TSNARE1: variants seen among roughly 807,000 people sequenced by gnomAD.
TSNARE1 encodes the protein t-SNARE domain containing 1, also known as t-SNARE domain-containing protein 1.
TSNARE1 carries 49 observed loss-of-function variants against 62.0 expected under a neutral mutation model. The ratio of observed to expected loss-of-function variants is 0.79; its 90% CI spans 0.63 to 1.00. The LOEUF (loss-of-function observed/expected upper bound fraction) is 1.00. Among genes scored for constraint, TSNARE1 ranks in the 50% least tolerant of loss-of-function variants. The pLI is 0.00. For missense variants in TSNARE1, 755 were observed against 700.1 expected, an observed-to-expected ratio of 1.08 and a Z score of -0.88; for synonymous variants, 328 against 294.4, an observed-to-expected ratio of 1.11 and a Z score of -1.17.
At chr8:142,331,856 A>G (rs1236123394) in intron 4 of TSNARE1, 25 bp from the exon 5 acceptor site, 1 of 1,594,600 alleles carries the variant, frequency 6.3e-7, no homozygotes, top group Non-Finnish European at 8.5e-7. Context: ...GGAGGAGGAA[A>G]GAACACAGGC....
chr8:142,263,461 A>C (rs1818988335), intron 12 of TSNARE1, among the ~76,000 whole-genome samples: 1 of 152,204 alleles, frequency 6.6e-6, no homozygotes, highest in African/African-American at 2.4e-5. Context: ...ACCACGGTTT[A>C]GTTCAAGGGG....
chr8:142,371,241 AG>A (rs1232258728), intron 1 of TSNARE1, among the ~76,000 whole-genome samples: 2 of 152,242 alleles, frequency 1.3e-5, no homozygotes, highest in Admixed American at 1.3e-4. Context: ...CCAGGCCTAG[AG>A]GCTTCAGAGC....
chr8:142,354,644 C>T lies in TSNARE1; in HGVS notation c.81G>A (p.Gln27=), dbSNP rs766992055. ...PFGGPSRQGC[Q]PLECARCWTE... ...TCCAGCTACTATCATTACCTAGGGG[C>T]TGACAGCCTTGTCTCGAAGGTCCCC... is the stretch of plus-strand genomic sequence containing the variant. The change falls in exon 2 of 14, where the codon CAG becomes CAA. Residue 27 remains glutamine (Q), a synonymous_variant. Coordinates refer to ENST00000524325, the MANE Select transcript of TSNARE1 (RefSeq NM_145003.5). 6.2e-7 allele frequency: 1 copy of T among 1,612,416 alleles called. No individual in the cohort carries two copies. Among genetic ancestry groups the T allele is most frequent in the African/African-American group, 1.3e-5 (1 of 74,760 alleles).
At chr8:142,296,839 A>G (rs1393735748) in intron 10 of TSNARE1, among the ~76,000 whole-genome samples, 1 of 152,056 alleles carries the variant, frequency 6.6e-6, no homozygotes. Context: ...ACCCTCCCTC[A>G]GAATCCGACT....
chr8:142,243,804 T>G lies in TSNARE1; in HGVS notation c.1447-14225A>C, dbSNP rs549651000. On this transcript the variant is annotated intron_variant, in intron 12 of 13. Coordinates refer to ENST00000524325, the MANE Select transcript of TSNARE1 (RefSeq NM_145003.5). Reference sequence around the variant, plus strand: ...GGAGGGATGGGTATGTGAATTCGCTTGATTTAATTTTTCCACAATAATACA... The same window carrying G: ...GGAGGGATGGGTATGTGAATTCGCTGGATTTAATTTTTCCACAATAATACA... 2.6e-5 allele frequency among the ~76,000 whole-genome samples: 4 copies of G among 152,352 alleles called. No homozygotes were observed. The East Asian group carries it at 7.7e-4, about 29-fold the overall frequency.
chr8:142,213,330 C>T (rs964840945), intron 13 of TSNARE1, among the ~76,000 whole-genome samples: 1 of 146,696 alleles, frequency 6.8e-6, no homozygotes, highest in African/African-American at 2.6e-5. Flanking sequence ...AGCCCCTCTC[C>T]TGGGGAGCAG....
At chr8:142,316,037 G>A (rs187630060) in intron 7 of TSNARE1, among the ~76,000 whole-genome samples, 133 of 152,342 alleles carry the variant, frequency 8.7e-4, no homozygotes, top group African/African-American at 3.0e-3. Context: ...CCACAGAAAC[G>A]CCTCTCAGAA....
In TSNARE1 at chr8:142,222,239, C is replaced by CACTT. The variant is rs1816332340; in HGVS notation, c.*11+7233_*11+7234insAAGT. 8.1e-5 allele frequency among the ~76,000 whole-genome samples: 2 copies of CACTT among 24,838 alleles called. 1 individual carries two copies. The highest frequency in any genetic ancestry group is 7.5e-4 in the Admixed American group (2 of 2,664). 16.3% of individuals were successfully genotyped at this position (24,838 alleles called of 152,430 possible). On this transcript the variant is annotated intron_variant, in intron 13 of 13. Transcript: ENST00000524325. ...TCATTCACTCACTCATCCACTCATT[C>CACTT]ACTCACTCACTCATCCACTCATCCA...
intron 9 of TSNARE1, among the ~76,000 whole-genome samples, chr8:142,311,290 G>GTTTTTTTTTTTTTGTTTTTTTTTT (rs1827550778): frequency 8.7e-5 from 5 of 57,350 alleles, no homozygotes; most frequent in Admixed American, 2.4e-4. Flanking sequence ...AGCCTCTCTA[G>GTTTTTTTTTTTTTGTTTTTTTTTT]TTTTTTTTTT....
chr8:142,277,779 TG>T, intron 11 of TSNARE1: 2 of 985,384 alleles, frequency 2.0e-6, no homozygotes, highest in Non-Finnish European at 1.2e-6. Context: ...AAGTCGAGGC[TG>T]GGTCTCAGTC....
chr8:142,354,648 C>G lies in TSNARE1; in HGVS notation c.77G>C (p.Cys26Ser). The change falls in exon 2 of 14, where the codon TGT becomes TCT. Residue 26 changes from cysteine (C) to serine (S), a missense_variant. Cys to Ser is a moderately radical substitution (Grantham distance 112). Transcript: ENST00000524325. ...GPFGGPSRQGCQPLECARCWT... is the reference protein window; with the variant it reads ...GPFGGPSRQGSQPLECARCWT... Reference sequence around the variant, plus strand: ...GCTACTATCATTACCTAGGGGCTGACAGCCTTGTCTCGAAGGTCCCCCGAA... The same window carrying G: ...GCTACTATCATTACCTAGGGGCTGAGAGCCTTGTCTCGAAGGTCCCCCGAA... The G allele has an allele frequency of 6.2e-7, 1 of 1,612,782 alleles. No homozygotes were observed. Among genetic ancestry groups the G allele is most frequent in the Non-Finnish European group, 8.5e-7 (1 of 1,179,332 alleles).
intron 12 of TSNARE1, among the ~76,000 whole-genome samples, chr8:142,236,289 G>A (rs984696726): frequency 6.6e-6 from 1 of 151,958 alleles, no homozygotes; most frequent in Non-Finnish European, 1.5e-5. Context: ...GTTCAGGGCA[G>A]GGCAGGTTCA....
intron 6 of TSNARE1, 122 bp from the exon 7 acceptor site, chr8:142,318,756 T>C: frequency 1.2e-6 from 1 of 833,298 alleles, no homozygotes; most frequent in Non-Finnish European, 2.0e-6. Flanking sequence ...GACAGATGGA[T>C]GGACAGGCGG....
chr8:142,369,024 C>T (rs1336825213), intron 1 of TSNARE1, among the ~76,000 whole-genome samples: 3 of 152,186 alleles, frequency 2.0e-5, no homozygotes, highest in Non-Finnish European at 4.4e-5. Context: ...ACTGTGAAAC[C>T]CCCGCTCCCC....
Position 142,229,448 on chromosome 8 carries a change from G to A in TSNARE1, c.*11+25C>T, listed in dbSNP as rs867469929. The A allele has an allele frequency of 2.6e-6, 4 of 1,552,286 alleles. No homozygotes were observed. The African/African-American group carries it at 4.1e-5, about 16-fold the overall frequency. The stretch of plus-strand genomic sequence containing the variant: ...TGGTGGATGTGCAGATGAATGGATG[G>A]TGTACGGGTAGGTGGGGTACTCACC... On this transcript the variant is annotated intron_variant, in intron 13 of 13. Transcript: ENST00000524325.
At chr8:142,317,633 G>A (rs572867136) in intron 7 of TSNARE1, among the ~76,000 whole-genome samples, 45 of 152,352 alleles carry the variant, frequency 3.0e-4, no homozygotes, top group Admixed American at 1.2e-3. Context: ...CTGACCTGGT[G>A]TGGTGGAGCG....
intron 12 of TSNARE1, chr8:142,270,681 G>A: frequency 1.0e-6 from 1 of 985,330 alleles, no homozygotes; most frequent in Non-Finnish European, 1.2e-6. Context: ...TTTAGAGCCT[G>A]GCTGAGCCAC....
chr8:142,272,928 T>C (rs1034226855), intron 12 of TSNARE1: 13 of 985,258 alleles, frequency 1.3e-5, no homozygotes, highest in Non-Finnish European at 1.6e-5. Context: ...GGACATTCTA[T>C]GCAGAGGCAA....
At chr8:142,217,379 G>GAAAGAAGA (rs1563750495) in intron 13 of TSNARE1, among the ~76,000 whole-genome samples, 31 of 138,894 alleles carry the variant, frequency 2.2e-4, no homozygotes, top group South Asian at 8.8e-4. Flanking sequence ...AAGAAAAAAG[G>GAAAGAAGA]GAAAGAAAGA....
Sources: gnomAD v4.1 joint callset for allele counts (sites outside exome capture counted in the v4.1 genomes callset) on GRCh38, gnomAD v4.1.1 for gene constraint, MANE v1.5 for transcripts, NCBI Gene and HGNC (gene_info 2026-07-23, HGNC 2026-07-21) for gene names.